SUSD5: variants seen among roughly 807,000 people sequenced by gnomAD.
The protein encoded by SUSD5 is sushi domain-containing protein 5.
SUSD5 carries 33 observed loss-of-function variants against 29.5 expected under a neutral mutation model. That is an observed-to-expected ratio of 1.12 (90% CI 0.85 to 1.49). The LOEUF is 1.49. Among genes scored for constraint, SUSD5 ranks in the 40% most tolerant of loss-of-function variants. The probability of loss-of-function intolerance (pLI) is 0.00; values close to 1 mark genes in which losing one functional copy is unlikely to be tolerated. For missense variants in SUSD5, 776 were observed against 800.6 expected (o/e 0.97, Z 0.37); for synonymous variants, 308 against 325.3 (o/e 0.95, Z 0.57).
At chr3:33,206,439 G>C (rs1437801803) in intron 3 of SUSD5, among the ~76,000 whole-genome samples, 2 of 147,658 alleles carry the variant, frequency 1.4e-5, no homozygotes, top group Admixed American at 6.7e-5. Context: ...GTGTGTGTGT[G>C]TGTGTGTGTG....
At chr3:33,176,381 T>C (rs2031553176) in intron 3 of SUSD5, among the ~76,000 whole-genome samples, 1 of 152,224 alleles carries the variant, frequency 6.6e-6, no homozygotes, top group Non-Finnish European at 1.5e-5. Context: ...GACTGCTGGA[T>C]TGTATGGGAA....
intron 3 of SUSD5, among the ~76,000 whole-genome samples, chr3:33,184,304 G>T (rs545057467): frequency 6.6e-6 from 1 of 151,980 alleles, no homozygotes; most frequent in Non-Finnish European, 1.5e-5. Flanking sequence ...ACTTTTGCTC[G>T]TCCATAGATA....
At chr3:33,186,674 C>G (rs1313720302) in intron 3 of SUSD5, among the ~76,000 whole-genome samples, 1 of 152,108 alleles carries the variant, frequency 6.6e-6, no homozygotes, top group Non-Finnish European at 1.5e-5. Flanking sequence ...ACCTGCCCGC[C>G]TCGGCCTCCC....
In SUSD5 at chr3:33,181,520, G is replaced by A. The variant is rs570794844; in HGVS notation, c.410-6446C>T. Among the ~76,000 whole-genome samples, 75 of 151,948 alleles carry A rather than the reference G, an allele frequency of 4.9e-4. 1 individual carries two copies. The highest frequency in any genetic ancestry group is 1.4e-3 in the African/African-American group (59 of 41,428). ...CCTGTGTAGCTGAGACCAAGAGCAC[G>A]TGCCACCCTGCCTAGATATTTTTTT... On this transcript the variant is annotated intron_variant, in intron 3 of 4. Coordinates refer to ENST00000309558, the MANE Select transcript of SUSD5 (RefSeq NM_015551.2).
At chr3:33,166,618 C>A (rs888057856) in intron 4 of SUSD5, among the ~76,000 whole-genome samples, 1 of 152,192 alleles carries the variant, frequency 6.6e-6, no homozygotes, top group African/African-American at 2.4e-5. Context: ...GCATGTCCCC[C>A]CTGCCTTTGT....
At chr3:33,191,374 C>T (rs1389613249) in intron 3 of SUSD5, among the ~76,000 whole-genome samples, 1 of 152,070 alleles carries the variant, frequency 6.6e-6, no homozygotes, top group Admixed American at 6.6e-5. Context: ...TCATGATCCA[C>T]CCGCCTCGGC....
At chr3:33,185,394 T>A (rs1008203124) in intron 3 of SUSD5, among the ~76,000 whole-genome samples, 1 of 152,230 alleles carries the variant, frequency 6.6e-6, no homozygotes, top group Admixed American at 6.5e-5. Flanking sequence ...TCCAAAAGCA[T>A]GGGGGCCCCT....
chr3:33,205,817 C>G (rs778976573), intron 3 of SUSD5, among the ~76,000 whole-genome samples: 1 of 152,222 alleles, frequency 6.6e-6, no homozygotes, highest in South Asian at 2.1e-4. Context: ...CCCACCAAGT[C>G]TGGCAGAAAA....
chr3:33,218,793 G>C lies in SUSD5; in HGVS notation c.5C>G (p.Thr2Ser). 1 of 1,445,812 alleles carries C rather than the reference G, an allele frequency of 6.9e-7. No individual in the cohort carries two copies. Among genetic ancestry groups the C allele is most frequent in the Non-Finnish European group, 9.0e-7 (1 of 1,105,434 alleles). The allele number at this position is 1,445,812 out of a possible 1,614,324, so 89.6% of individuals were successfully genotyped here. A position where few individuals can be genotyped will look rare whatever the true frequency, so the allele number is the denominator to read the frequency against. ...GGCAGGCGGGCTGGGTCCCTCGGCA[G>C]TCATGGTCCGGGAGTGCGCGGGCCA... is the stretch of plus-strand genomic sequence containing the variant. M[T>S]AEGPSPPARW... The change falls in exon 1 of 5, where the codon ACT becomes AGT. Residue 2 changes from threonine (T) to serine (S), a missense_variant. By Grantham distance (58) the Thr-to-Ser change is moderately conservative. Coordinates refer to ENST00000309558, the MANE Select transcript of SUSD5 (RefSeq NM_015551.2).
intron 4 of SUSD5, among the ~76,000 whole-genome samples, chr3:33,156,617 A>G (rs1468554334): frequency 6.6e-6 from 1 of 152,168 alleles, no homozygotes; most frequent in African/African-American, 2.4e-5. Context: ...AAATTATTAA[A>G]ACAGACTGCT....
chr3:33,206,722 C>T (rs188052414), intron 3 of SUSD5, among the ~76,000 whole-genome samples: 356 of 152,238 alleles, frequency 2.3e-3, no homozygotes, highest in Admixed American at 4.2e-3. Context: ...TGCAGCCAGA[C>T]GGTTTGTACT....
At chr3:33,171,924 T>C (rs892116435) in intron 4 of SUSD5, among the ~76,000 whole-genome samples, 6 of 152,192 alleles carry the variant, frequency 3.9e-5, no homozygotes, top group South Asian at 2.1e-4. Context: ...TTCTGTGTCT[T>C]TGAGGAACCC....
Position 33,175,133 on chromosome 3 carries a change from G to A in SUSD5, c.410-59C>T, listed in dbSNP as rs556247863. 20 of 1,570,186 alleles carry A rather than the reference G, an allele frequency of 1.3e-5. No homozygotes were observed. In the South Asian group the frequency reaches 2.1e-4, roughly 16 times the overall value. Reference sequence around the variant, plus strand: ...ACTGTGCGGAACTTTTTCAGCCTATGAGAAAACAGACTTAAAACACAACTC... The same window carrying A: ...ACTGTGCGGAACTTTTTCAGCCTATAAGAAAACAGACTTAAAACACAACTC... On this transcript the variant is annotated intron_variant, in intron 3 of 4. Transcript: ENST00000309558.
At chr3:33,218,650 CT>C in intron 1 of SUSD5, 35 bp downstream of exon 1, 1 of 1,263,630 alleles carries the variant, frequency 7.9e-7, no homozygotes, top group African/African-American at 1.5e-5. Flanking sequence ...GGACCCCACG[CT>C]CCACCCCCCG....
rs1165145202 is a variant in SUSD5, at chr3:33,154,048, G to A, written c.599-15C>T. 1.3e-6 allele frequency: 2 copies of A among 1,552,838 alleles called. No homozygotes were observed. The highest frequency in any genetic ancestry group is 2.1e-5 in the Admixed American group (1 of 47,366). ...CTCAGCCTCATCTGGAAGAAAAGAG[G>A]GAAAAAACCTCATTAGCTCCAAAGG... On this transcript the variant is annotated splice_polypyrimidine_tract_variant and intron_variant, in intron 4 of 4. Transcript: ENST00000309558.
intron 2 of SUSD5, among the ~76,000 whole-genome samples, chr3:33,212,248 A>C (rs554795415): frequency 6.6e-6 from 1 of 152,326 alleles, no homozygotes; most frequent in South Asian, 2.1e-4. Flanking sequence ...AAATAAAATT[A>C]GGCCAGGCAT....
chr3:33,170,002 C>T (rs966892008), intron 4 of SUSD5, among the ~76,000 whole-genome samples: 2 of 152,064 alleles, frequency 1.3e-5, no homozygotes, highest in East Asian at 3.9e-4. Context: ...ACTGCAACCT[C>T]CGCCTCCCGG....
chr3:33,202,129 T>C (rs1244532373), intron 3 of SUSD5, among the ~76,000 whole-genome samples: 1 of 152,114 alleles, frequency 6.6e-6, no homozygotes, highest in Admixed American at 6.5e-5. Context: ...GCATTGGACT[T>C]TGCCTGACCC....
rs1339433816 is a variant in SUSD5, at chr3:33,180,121, T to A, written c.410-5047A>T. ...CTTTAATCATTATTTTAGAGTGTAC[T>A]ACTACTTATTTTTAAAAAGTTAACT... On this transcript the variant is annotated intron_variant, in intron 3 of 4. Transcript: ENST00000309558. 5.3e-5 allele frequency among the ~76,000 whole-genome samples: 8 copies of A among 152,222 alleles called. No homozygotes were observed. The East Asian group carries it at 1.5e-3, about 29-fold the overall frequency.
Sources: gnomAD v4.1 joint callset for allele counts (sites outside exome capture counted in the v4.1 genomes callset) on GRCh38, gnomAD v4.1.1 for gene constraint, MANE v1.5 for transcripts, NCBI Gene and HGNC (gene_info 2026-07-23, HGNC 2026-07-21) for gene names.